The following SENP2 variants were observed in gnomAD, a reference collection of about 807,000 sequenced individuals.
SENP2 encodes sentrin-specific protease 2.
A neutral mutation model predicts 86.3 loss-of-function variants in SENP2; 16 were observed. The observed-to-expected ratio is 0.19, with a 90% CI of 0.13 to 0.28. The LOEUF (loss-of-function observed/expected upper bound fraction) is 0.28. Ranked by LOEUF, SENP2 falls within the 10% of genes least tolerant of loss-of-function variation. SENP2 has a pLI of 1.00. For missense variants in SENP2, 552 were observed against 703.0 expected (o/e 0.79, Z 2.43); for synonymous variants, 222 against 238.7 (o/e 0.93, Z 0.64).
chr3:185,602,591 G>A (rs1722379492), intron 5 of SENP2, among the ~76,000 whole-genome samples: 1 of 151,956 alleles, frequency 6.6e-6, no homozygotes, highest in South Asian at 2.1e-4. Context: ...AACTGATATG[G>A]GCAGGAATCA....
chr3:185,589,996 T>G, intron 1 of SENP2, 118 bp from the exon 2 acceptor site: 1 of 528,190 alleles, frequency 1.9e-6, no homozygotes, highest in Non-Finnish European at 3.2e-6. Flanking sequence ...ATCAGTTGGA[T>G]CTCATTTTAT....
intron 14 of SENP2, 67 bp downstream of exon 14, chr3:185,621,972 A>T: frequency 9.8e-7 from 1 of 1,015,676 alleles, no homozygotes; most frequent in South Asian, 1.4e-5. Context: ...CATCCTAGGA[A>T]GCTGTGTGGA....
At position 185,611,739 on chromosome 3, in the gene SENP2, A is replaced by G. The variant is rs147526977; in HGVS notation, c.811A>G (p.Lys271Glu). Reference protein sequence around the residue: ...HGVKTTQFVPKQYRLVETRGP... With the variant: ...HGVKTTQFVPEQYRLVETRGP... ...AGTCAAAACAACTCAGTTTGTTCCA[A>G]AACAATGTGAGTTCCCAGATTTAGC... Residue 271 changes from lysine (K) to glutamate (E), a missense_variant, in exon 8 of 17, where the codon AAA (lysine) becomes GAA (glutamate). By Grantham distance (56) the Lys-to-Glu change is moderately conservative. This residue lies in a region of SENP2 where 383 missense variants were observed against 427.3 expected (regional missense o/e 0.90). Coordinates refer to ENST00000296257, the MANE Select transcript of SENP2 (RefSeq NM_021627.3). 8.3e-5 allele frequency: 134 copies of G among 1,610,610 alleles called. 2 individuals carry two copies. In the East Asian group the frequency reaches 3.0e-3, roughly 36 times the overall value.
In SENP2 at chr3:185,629,893, T is replaced by C. The variant is rs371823702; in HGVS notation, c.*49T>C. ...GCTGCTGGTGGTTCTTTCACAGACA[T>C]TTCCATATACCTCATGCATTGTGGG... On this transcript the variant is annotated 3_prime_UTR_variant, in exon 17 of 17. Transcript: ENST00000296257. 2.6e-6 allele frequency: 4 copies of C among 1,556,216 alleles called. No individual in the cohort carries two copies. The African/African-American group carries it at 4.1e-5, about 16-fold the overall frequency.
chr3:185,621,132 G>C (rs1711847255), intron 13 of SENP2, among the ~76,000 whole-genome samples: 1 of 133,262 alleles, frequency 7.5e-6, no homozygotes. Flanking sequence ...ACTCCAGCCT[G>C]GGTCACAGAG....
At chr3:185,602,746 A>T (rs1722384740) in intron 5 of SENP2, among the ~76,000 whole-genome samples, 1 of 145,580 alleles carries the variant, frequency 6.9e-6, no homozygotes, top group Admixed American at 7.0e-5. Context: ...AGGCAGTAGA[A>T]TTGCTTGAAC....
intron 16 of SENP2, among the ~76,000 whole-genome samples, chr3:185,629,544 C>G (rs921066549): frequency 2.2e-4 from 33 of 151,278 alleles, no homozygotes; most frequent in African/African-American, 7.8e-4. Context: ...CCACTGCACT[C>G]CAGCCTGGGT....
chr3:185,606,327 C>T lies in SENP2; in HGVS notation c.450-3C>T. ...TTTTTTTCTTTTTTTTTCTGTTGCTCAGTTTTACTTTGAACTCAGAAGGCT... is the reference window on the plus strand; with the variant it reads ...TTTTTTTCTTTTTTTTTCTGTTGCTTAGTTTTACTTTGAACTCAGAAGGCT... On this transcript the variant is annotated splice_polypyrimidine_tract_variant and splice_region_variant and intron_variant, in intron 5 of 16. Transcript: ENST00000296257. The T allele has an allele frequency of 6.3e-7, 1 of 1,575,652 alleles. No homozygotes were observed.
chr3:185,593,196 A>T (rs911315240), intron 2 of SENP2, among the ~76,000 whole-genome samples: 1 of 152,204 alleles, frequency 6.6e-6, no homozygotes, highest in Admixed American at 6.5e-5. Context: ...AAAGTTGTGT[A>T]AATTCAAGAA....
intron 5 of SENP2, among the ~76,000 whole-genome samples, chr3:185,602,017 C>G (rs1028524975): frequency 5.3e-5 from 8 of 152,222 alleles, no homozygotes; most frequent in African/African-American, 1.9e-4. Context: ...CTCCCCCTGC[C>G]TATTCCCAGT....
At chr3:185,598,085 T>C (rs1722233537) in intron 2 of SENP2, among the ~76,000 whole-genome samples, 1 of 152,198 alleles carries the variant, frequency 6.6e-6, no homozygotes, top group Admixed American at 6.5e-5. Flanking sequence ...CAATCACAGC[T>C]CACTGTAGCC....
chr3:185,629,832 G>T lies in SENP2; in HGVS notation c.1758G>T (p.Gln586His). The T allele has an allele frequency of 1.2e-6, 2 of 1,614,136 alleles. No individual in the cohort carries two copies. The highest frequency in any genetic ancestry group is 1.7e-6 in the Non-Finnish European group (2 of 1,180,002). Residue 586 changes from glutamine to histidine, a missense_variant, in exon 17 of 17, where the codon CAG (glutamine) becomes CAT (histidine). By Grantham distance (24) the Gln-to-His change is conservative. Transcript: ENST00000296257. ...RKKMVWEILH[Q>H]QLL ...AGATGGTGTGGGAAATCCTTCATCA[G>T]CAGTTGCTGTGAGAAAACTTTGCCT...
At chr3:185,587,584 T>TTTTTTTTTTTTTTTTTTTTTG (rs1560186545) in intron 1 of SENP2, among the ~76,000 whole-genome samples, 1 of 149,576 alleles carries the variant, frequency 6.7e-6, no homozygotes, top group African/African-American at 2.5e-5. Flanking sequence ...TTTTTTTTTT[T>TTTTTTTTTTTTTTTTTTTTTG]GAGAAGGAGT....
chr3:185,622,382 GT>G (rs1560201017), intron 14 of SENP2, among the ~76,000 whole-genome samples: 1 of 152,126 alleles, frequency 6.6e-6, no homozygotes, highest in Non-Finnish European at 1.5e-5. Flanking sequence ...TCTTAGCTAG[GT>G]AAAGTAGTGA....
intron 4 of SENP2, 92 bp from the exon 5 acceptor site, chr3:185,600,673 T>C: frequency 1.3e-6 from 1 of 766,508 alleles, no homozygotes. Flanking sequence ...AGCTCTATGA[T>C]GTAGGTTGCT....
chr3:185,616,775 C>CAAAAAAAA (rs34897313), intron 11 of SENP2, among the ~76,000 whole-genome samples: 1 of 122,104 alleles, frequency 8.2e-6, no homozygotes, highest in Middle Eastern at 3.8e-3. Context: ...ACTCCGTCTC[C>CAAAAAAAA]AAAAAAAAAA....
intron 7 of SENP2, among the ~76,000 whole-genome samples, chr3:185,609,945 T>C (rs1176598763): frequency 1.3e-5 from 2 of 152,082 alleles, no homozygotes; most frequent in African/African-American, 4.8e-5. Flanking sequence ...GTTAATTAAA[T>C]AATGATTTAA....
chr3:185,632,119 C>CCAAA lies in SENP2; in HGVS notation c.*2278_*2281dup, dbSNP rs1282054571. On this transcript the variant is annotated 3_prime_UTR_variant, in exon 17 of 17. Coordinates refer to ENST00000296257, the MANE Select transcript of SENP2 (RefSeq NM_021627.3). ...ATGTTAGTAATATAGTTTTTTAGAT[C>CCAAA]CAAACAGTTTATTTGGATCTAAAAG... 3 of 151,310 alleles carry CCAAA rather than the reference C, an allele frequency of 2.0e-5. No individual in the cohort carries two copies. Among genetic ancestry groups the CCAAA allele is most frequent in the East Asian group, 3.9e-4 (2 of 5,164 alleles). The allele number at this position is 151,310 out of a possible 1,614,324, so 9.4% of individuals were successfully genotyped here. A position where few individuals can be genotyped will look rare whatever the true frequency, so the allele number is the denominator to read the frequency against.
At chr3:185,610,919 C>T (rs1722668387) in intron 7 of SENP2, among the ~76,000 whole-genome samples, 1 of 151,980 alleles carries the variant, frequency 6.6e-6, no homozygotes, top group Admixed American at 6.6e-5. Flanking sequence ...GATTGTGCCA[C>T]TGCACTCCAG....
Sources: allele counts gnomAD v4.1 joint callset (sites outside exome capture counted in the v4.1 genomes callset), GRCh38; gene constraint gnomAD v4.1.1; regional missense constraint gnomAD v4.1.1; transcripts MANE v1.5; gene names NCBI Gene and HGNC (gene_info 2026-07-23, HGNC 2026-07-21).